Variants in TFDP2 observed in about 807,000 individuals in gnomAD.
The protein encoded by TFDP2 is transcription factor Dp-2.
Under a neutral mutation model 59.3 loss-of-function variants are expected in TFDP2, and 17 were observed. The observed-to-expected ratio is 0.29, with a 90% confidence interval of 0.20 to 0.43. The LOEUF is 0.43. TFDP2 is among the 20% of genes least tolerant of loss of function. The pLI is 1.00. For synonymous variants in TFDP2, 180 were observed against 194.7 expected (o/e 0.92, Z 0.63); for missense variants, 391 against 528.8 (o/e 0.74, Z 2.56).
At chr3:142,041,621 T>G (rs1032137602) in intron 3 of TFDP2, among the ~76,000 whole-genome samples, 1 of 152,218 alleles carries the variant, frequency 6.6e-6, no homozygotes, top group African/African-American at 2.4e-5. Flanking sequence ...TTACCAAATC[T>G]CAGGTATTTC....
At chr3:141,993,617 T>A in intron 5 of TFDP2, 32 bp from the exon 6 acceptor site, 2 of 1,288,186 alleles carry the variant, frequency 1.6e-6, no homozygotes, top group Non-Finnish European at 2.2e-6. Flanking sequence ...ATAAAAACAA[T>A]ACATACTTAA....
chr3:141,969,682 A>G (rs1559944309), intron 9 of TFDP2, among the ~76,000 whole-genome samples: 1 of 152,172 alleles, frequency 6.6e-6, no homozygotes, highest in Non-Finnish European at 1.5e-5. Flanking sequence ...AAAATTAAGT[A>G]TTACAGGCAG....
chr3:142,038,732 ATT>A (rs144925142), intron 3 of TFDP2, among the ~76,000 whole-genome samples: 1 of 151,372 alleles, frequency 6.6e-6, no homozygotes, highest in African/African-American at 2.4e-5. Context: ...TATGATACAT[ATT>A]TTTTTTTACA....
chr3:142,000,286 G>T, intron 4 of TFDP2: 2 of 702,836 alleles, frequency 2.8e-6, no homozygotes, highest in African/African-American at 3.5e-5. Context: ...CAAAATGAAA[G>T]TGCCGGCAGA....
intron 10 of TFDP2, among the ~76,000 whole-genome samples, chr3:141,963,539 T>G (rs1937566962): frequency 6.6e-6 from 1 of 152,160 alleles, no homozygotes; most frequent in African/African-American, 2.4e-5. Context: ...ACCACATACA[T>G]GCAGCACGTC....
chr3:141,959,263 A>G (rs1015550674), intron 11 of TFDP2, among the ~76,000 whole-genome samples: 3 of 151,998 alleles, frequency 2.0e-5, no homozygotes, highest in African/African-American at 4.8e-5. Context: ...GCCAGGATGT[A>G]CCTACTTTCT....
intron 3 of TFDP2, among the ~76,000 whole-genome samples, chr3:142,053,450 C>T (rs1270677910): frequency 1.3e-5 from 2 of 152,122 alleles, no homozygotes; most frequent in Non-Finnish European, 2.9e-5. Flanking sequence ...AGGCCCTCAC[C>T]GGAAGTAGAT....
intron 3 of TFDP2, among the ~76,000 whole-genome samples, chr3:142,039,181 A>G (rs1275258660): frequency 6.6e-6 from 1 of 152,158 alleles, no homozygotes; most frequent in Non-Finnish European, 1.5e-5. Context: ...AGTGAAGTTG[A>G]ATTCATACTC....
At chr3:141,958,165 G>C (rs1936925328) in intron 11 of TFDP2, among the ~76,000 whole-genome samples, 1 of 152,124 alleles carries the variant, frequency 6.6e-6, no homozygotes, top group South Asian at 2.1e-4. Context: ...ACGTTTGCAT[G>C]TGGTCACTGG....
intron 6 of TFDP2, among the ~76,000 whole-genome samples, chr3:141,986,817 A>G (rs1942153713): frequency 1.3e-5 from 2 of 152,126 alleles, no homozygotes; most frequent in African/African-American, 4.8e-5. Context: ...AGCACTGTCT[A>G]TCCTTTTCAT....
chr3:141,954,518 TC>T (rs1289704202), intron 11 of TFDP2, among the ~76,000 whole-genome samples: 2 of 151,392 alleles, frequency 1.3e-5, no homozygotes, highest in Non-Finnish European at 2.9e-5. Flanking sequence ...ATGCCTGTAA[TC>T]CCAGCTACTA....
chr3:141,997,097 C>G (rs1199519371), intron 4 of TFDP2, among the ~76,000 whole-genome samples: 8 of 152,194 alleles, frequency 5.3e-5, no homozygotes, highest in Non-Finnish European at 2.9e-5. Context: ...GTGCATCCCC[C>G]ATTTCAGTGC....
At position 142,025,280 on chromosome 3, in the gene TFDP2, C is replaced by A. The variant is rs117046276; in HGVS notation, c.83-19736G>T. Reference sequence around the variant, plus strand: ...GTTCTATACTCCATATATGCTAAAACTAATGTGCTCTTCTCAACCATAATT... The same window carrying A: ...GTTCTATACTCCATATATGCTAAAAATAATGTGCTCTTCTCAACCATAATT... On this transcript the variant is annotated intron_variant, in intron 3 of 12. Coordinates refer to ENST00000489671, the MANE Select transcript of TFDP2 (RefSeq NM_001178139.2). Among the ~76,000 whole-genome samples, 28 of 152,174 alleles carry A rather than the reference C, an allele frequency of 1.8e-4. No individual in the cohort carries two copies. In the East Asian group the frequency reaches 3.7e-3, roughly 20 times the overall value.
intron 6 of TFDP2, among the ~76,000 whole-genome samples, chr3:141,985,348 G>C (rs1276056873): frequency 6.6e-6 from 1 of 151,818 alleles, no homozygotes; most frequent in Non-Finnish European, 1.5e-5. Flanking sequence ...GGGCAACATA[G>C]TGAGACCTCA....
chr3:142,110,137 G>A (rs187514976), intron 1 of TFDP2, among the ~76,000 whole-genome samples: 5 of 152,118 alleles, frequency 3.3e-5, no homozygotes, highest in Admixed American at 3.3e-4. Flanking sequence ...ACCCATCTAA[G>A]TCTCCCAAAG....
intron 1 of TFDP2, among the ~76,000 whole-genome samples, chr3:142,145,271 G>A (rs1321807508): frequency 6.6e-6 from 1 of 152,104 alleles, no homozygotes; most frequent in Non-Finnish European, 1.5e-5. Context: ...AATCATTTAG[G>A]AACTATGGTG....
At chr3:141,967,961 G>A (rs947177291) in intron 9 of TFDP2, among the ~76,000 whole-genome samples, 82 of 151,870 alleles carry the variant, frequency 5.4e-4, no homozygotes, top group African/African-American at 1.9e-3. Context: ...TAAAAATAAC[G>A]TGCCAAAAAA....
Position 141,951,861 on chromosome 3 carries a change from TCA to T in TFDP2, c.*650_*651del, listed in dbSNP as rs1935973441. 1 of 152,620 alleles carries T rather than the reference TCA, an allele frequency of 6.6e-6. No homozygotes were observed. Among genetic ancestry groups the T allele is most frequent in the African/African-American group, 2.4e-5 (1 of 41,444 alleles). The allele number at this position is 152,620 out of a possible 1,614,324, so 9.5% of individuals were successfully genotyped here. A position where few individuals can be genotyped will look rare whatever the true frequency, so the allele number is the denominator to read the frequency against. On this transcript the variant is annotated 3_prime_UTR_variant, in exon 13 of 13. Coordinates refer to ENST00000489671, the MANE Select transcript of TFDP2 (RefSeq NM_001178139.2). ...ACCAATGCATTGGCTAATAATAATTTCAGTTTTACTATAAATTATCTAAATGT... is the reference window on the plus strand; with the variant it reads ...ACCAATGCATTGGCTAATAATAATTTGTTTTACTATAAATTATCTAAATGT...
intron 7 of TFDP2, among the ~76,000 whole-genome samples, chr3:141,977,127 TTCCC>T (rs1559959775): frequency 7.9e-6 from 1 of 126,458 alleles, no homozygotes; most frequent in African/African-American, 3.5e-5. Context: ...TTTTTTTTTT[TTCCC>T]CCCAAAGAGA....
Sources: gnomAD v4.1 joint callset for allele counts (sites outside exome capture counted in the v4.1 genomes callset) on GRCh38, gnomAD v4.1.1 for gene constraint, MANE v1.5 for transcripts, NCBI Gene and HGNC (gene_info 2026-07-23, HGNC 2026-07-21) for gene names.